CSMD1: variants seen among roughly 807,000 people sequenced by gnomAD.
CSMD1 encodes CUB and Sushi multiple domains 1, also known as CUB and sushi domain-containing protein 1.
Under a neutral mutation model 417.5 loss-of-function variants are expected in CSMD1, and 213 were observed. That is an observed-to-expected ratio of 0.51 (90% CI 0.46 to 0.57). The LOEUF (loss-of-function observed/expected upper bound fraction) is 0.57, where lower values mean the gene tolerates loss of function less well. CSMD1 is among the 20% of genes least tolerant of loss of function. CSMD1 has a pLI of 0.00. For synonymous variants in CSMD1, 2,862 were observed against 1,736.8 expected (o/e 1.65, Z -16.11); for missense variants, 6,923 against 4,529.7 (o/e 1.53, Z -15.17).
chr8:3,531,582 C>G (rs1456758314), intron 10 of CSMD1, among the ~76,000 whole-genome samples: 3 of 152,204 alleles, frequency 2.0e-5, no homozygotes, highest in Admixed American at 6.5e-5. Context: ...CAGGTTCCAT[C>G]TGTGGTCTGG....
At chr8:4,113,705 G>T (rs1399946501) in intron 3 of CSMD1, among the ~76,000 whole-genome samples, 1 of 152,162 alleles carries the variant, frequency 6.6e-6, no homozygotes, top group Admixed American at 6.6e-5. Context: ...CGCCCAGCCA[G>T]TGCTACTCTT....
chr8:4,438,720 T>C (rs146521253), intron 2 of CSMD1, among the ~76,000 whole-genome samples: 2 of 152,262 alleles, frequency 1.3e-5, no homozygotes, highest in Admixed American at 6.5e-5. Flanking sequence ...TGAGATTACC[T>C]GCAGTTACCT....
At chr8:4,808,117 G>T (rs751943443) in intron 1 of CSMD1, among the ~76,000 whole-genome samples, 1 of 152,120 alleles carries the variant, frequency 6.6e-6, no homozygotes, top group African/African-American at 2.4e-5. Context: ...TGTTTCCTGG[G>T]TGCTACACAA....
At chr8:3,639,339 T>C (rs1336256547) in intron 7 of CSMD1, among the ~76,000 whole-genome samples, 1 of 152,166 alleles carries the variant, frequency 6.6e-6, no homozygotes, top group Non-Finnish European at 1.5e-5. Context: ...TCAGGAAAGT[T>C]TGGAGTTTAA....
At chr8:3,646,182 A>G (rs1797562393) in intron 7 of CSMD1, among the ~76,000 whole-genome samples, 1 of 152,132 alleles carries the variant, frequency 6.6e-6, no homozygotes, top group Non-Finnish European at 1.5e-5. Context: ...GTGAACAAAA[A>G]TAGTGATACA....
At position 4,367,826 on chromosome 8, in the gene CSMD1, A is replaced by T. The variant is rs145788324; in HGVS notation, c.415+52127T>A. Among the ~76,000 whole-genome samples, 107 of 152,176 alleles carry T rather than the reference A, an allele frequency of 7.0e-4. 1 individual carries two copies. Among genetic ancestry groups the T allele is most frequent in the African/African-American group, 2.0e-3 (85 of 41,522 alleles). ...TATTTTATTCTTTGTGCTATTTTTAAATAGGATTGTGTTCTTAATTCGGCT... is the reference window on the plus strand; with the variant it reads ...TATTTTATTCTTTGTGCTATTTTTATATAGGATTGTGTTCTTAATTCGGCT... On this transcript the variant is annotated intron_variant, in intron 3 of 69. Coordinates refer to ENST00000635120, the MANE Select transcript of CSMD1 (RefSeq NM_033225.6).
At chr8:4,304,324 G>C (rs1003284142) in intron 3 of CSMD1, among the ~76,000 whole-genome samples, 5 of 152,130 alleles carry the variant, frequency 3.3e-5, no homozygotes, top group African/African-American at 4.8e-5. Context: ...TATTTATTTT[G>C]TATGTCAAAC....
At chr8:3,752,091 C>T (rs575595229) in intron 6 of CSMD1, among the ~76,000 whole-genome samples, 15 of 152,182 alleles carry the variant, frequency 9.9e-5, no homozygotes, top group Non-Finnish European at 1.8e-4. Flanking sequence ...TGGGTGTGCA[C>T]CCACCTCCCA....
chr8:4,531,110 G>A (rs35355086), intron 2 of CSMD1, among the ~76,000 whole-genome samples: 3 of 152,102 alleles, frequency 2.0e-5, no homozygotes, highest in Non-Finnish European at 2.9e-5. Flanking sequence ...ATCATCGCGA[G>A]TAGAATACAG....
At chr8:3,285,475 T>C (rs948550055) in intron 25 of CSMD1, among the ~76,000 whole-genome samples, 2 of 151,790 alleles carry the variant, frequency 1.3e-5, no homozygotes, top group African/African-American at 4.8e-5. Context: ...CAACCTCTAC[T>C]TCCTGGGTTC....
rs560102231 is a variant in CSMD1, at chr8:4,389,342, A to C, written c.415+30611T>G. 3.9e-4 allele frequency among the ~76,000 whole-genome samples: 59 copies of C among 152,308 alleles called. 1 individual carries two copies. The highest frequency in any genetic ancestry group is 1.2e-3 in the South Asian group (6 of 4,820). ...TTGTCATCCTTCTCTTGGTGAGTGT[A>C]AAGAGCTGATATGTGGAGGGAGTAC... On this transcript the variant is annotated intron_variant, in intron 3 of 69. Transcript: ENST00000635120.
At chr8:2,996,153 A>T (rs1053290721) in intron 54 of CSMD1, among the ~76,000 whole-genome samples, 1 of 151,764 alleles carries the variant, frequency 6.6e-6, no homozygotes, top group Non-Finnish European at 1.5e-5. Flanking sequence ...TACTCATTCA[A>T]CAGAGAAAAG....
In CSMD1 at chr8:4,994,498, C is replaced by G. The variant is rs1331388055; in HGVS notation, c.-82G>C. The G allele has an allele frequency of 1.5e-6, 2 of 1,307,794 alleles. No individual in the cohort carries two copies. The highest frequency in any genetic ancestry group is 2.9e-5 in the African/African-American group (2 of 69,116). 81.0% of individuals were successfully genotyped at this position (1,307,794 alleles called of 1,614,324 possible). A position where few individuals can be genotyped will look rare whatever the true frequency, so the allele number is the denominator to read the frequency against. Reference sequence around the variant, plus strand: ...CTATGAGCGGAGCCAAATAATCACCCGAGGGCAAGGCGAGCCGGAGAGAGA... The same window carrying G: ...CTATGAGCGGAGCCAAATAATCACCGGAGGGCAAGGCGAGCCGGAGAGAGA... On this transcript the variant is annotated 5_prime_UTR_variant, in exon 1 of 70. Coordinates refer to ENST00000635120, the MANE Select transcript of CSMD1 (RefSeq NM_033225.6).
chr8:3,728,846 A>T (rs1802647897), intron 6 of CSMD1, among the ~76,000 whole-genome samples: 1 of 152,330 alleles, frequency 6.6e-6, no homozygotes, highest in South Asian at 2.1e-4. Context: ...TAGTTCTTTT[A>T]CTGAAGCAGA....
chr8:4,368,597 G>C (rs1007927168), intron 3 of CSMD1, among the ~76,000 whole-genome samples: 9 of 152,034 alleles, frequency 5.9e-5, no homozygotes, highest in Non-Finnish European at 8.8e-5. Flanking sequence ...GAATACATTT[G>C]GTCCAGGACT....
intron 48 of CSMD1, among the ~76,000 whole-genome samples, chr8:3,090,575 T>G (rs1395900736): frequency 6.6e-6 from 1 of 152,186 alleles, no homozygotes; most frequent in Non-Finnish European, 1.5e-5. Context: ...TTACAACTGC[T>G]GTTTTAACAC....
chr8:2,956,994 C>G (rs1351956674), intron 63 of CSMD1, among the ~76,000 whole-genome samples: 1 of 149,490 alleles, frequency 6.7e-6, no homozygotes, highest in African/African-American at 2.6e-5. Context: ...ACCTTATATA[C>G]TGAGATTTTT....
chr8:4,914,740 G>C (rs1437807508), intron 1 of CSMD1, among the ~76,000 whole-genome samples: 1 of 152,118 alleles, frequency 6.6e-6, no homozygotes, highest in Non-Finnish European at 1.5e-5. Context: ...CACTTAAGAG[G>C]CTAATGTGTT....
intron 7 of CSMD1, among the ~76,000 whole-genome samples, chr8:3,636,016 G>T (rs1337427694): frequency 6.6e-6 from 1 of 152,012 alleles, no homozygotes; most frequent in African/African-American, 2.4e-5. Flanking sequence ...ACATTGAACA[G>T]CTGTACAAAA....
Sources: gnomAD v4.1 joint callset for allele counts (sites outside exome capture counted in the v4.1 genomes callset) on GRCh38, gnomAD v4.1.1 for gene constraint, MANE v1.5 for transcripts, NCBI Gene and HGNC (gene_info 2026-07-23, HGNC 2026-07-21) for gene names.